NBPF12: variants seen among roughly 807,000 people sequenced by gnomAD.
NBPF12 encodes NBPF member 12.
Under a neutral mutation model 146.4 loss-of-function variants are expected in NBPF12, and 115 were observed. The ratio of observed to expected loss-of-function variants is 0.79; its 90% CI spans 0.68 to 0.92. NBPF12 has a LOEUF of 0.92. NBPF12 is among the 40% of genes least tolerant of loss of function. The probability of loss-of-function intolerance (pLI) is 0.00; values close to 1 mark genes in which losing one functional copy is unlikely to be tolerated. For missense variants in NBPF12, 1,205 were observed against 1,326.8 expected (o/e 0.91, Z 1.43); for synonymous variants, 385 against 508.9 (o/e 0.76, Z 3.28).
intron 5 of NBPF12, among the ~76,000 whole-genome samples, chr1:146,962,862 A>G (rs1233511194): frequency 2.0e-5 from 3 of 151,298 alleles, no homozygotes; most frequent in South Asian, 2.1e-4. Context: ...TTTACAGAAG[A>G]GAAAGATGAA....
At chr1:146,962,748 C>T (rs1365056841) in intron 5 of NBPF12, among the ~76,000 whole-genome samples, 30 of 147,982 alleles carry the variant, frequency 2.0e-4, no homozygotes, top group African/African-American at 7.3e-4. Flanking sequence ...ATCTAGTGGC[C>T]GCAAGATGCA....
exon 34 of NBPF12, chr1:146,994,801 C>T (rs1238826280): frequency 2.5e-5 from 20 of 807,056 alleles, no homozygotes; most frequent in African/African-American, 1.1e-4. Flanking sequence ...CAGCACATGC[C>T]GGGAGTGATC....
intron 19 of NBPF12, among the ~76,000 whole-genome samples, chr1:146,980,100 G>T (rs1219093470): frequency 6.6e-6 from 1 of 151,088 alleles, no homozygotes; most frequent in Non-Finnish European, 1.5e-5. Flanking sequence ...ATATTTGTTG[G>T]TTTAAAGTCT....
chr1:146,971,847 A>G (rs1553886511), intron 13 of NBPF12, among the ~76,000 whole-genome samples: 23,933 of 148,784 alleles, frequency 0.16, 2,405 homozygotes, highest in Admixed American at 0.27. Flanking sequence ...TGGGAGGCCG[A>G]GGCGGGTGGA....
chr1:146,992,607 T>G, intron 31 of NBPF12, 105 bp from the exon 35 acceptor site: 2 of 727,126 alleles, frequency 2.8e-6, no homozygotes, highest in East Asian at 5.3e-5. Flanking sequence ...GATCTATCCT[T>G]TTACTTTTTT....
chr1:146,980,110 T>TTGATATTTGTTG (rs1268903471), intron 19 of NBPF12, among the ~76,000 whole-genome samples: 1 of 151,728 alleles, frequency 6.6e-6, no homozygotes, highest in African/African-American at 2.4e-5. Context: ...GTTTAAAGTC[T>TTGATATTTGTTG]GTTTTATCAG....
At chr1:146,981,064 G>A (rs1439061109) in intron 19 of NBPF12, among the ~76,000 whole-genome samples, 2 of 138,222 alleles carry the variant, frequency 1.4e-5, no homozygotes, top group Non-Finnish European at 1.5e-5. Context: ...CTTACTCACA[G>A]GTGGGAATTG....
chr1:146,972,349 G>C lies in NBPF12; in HGVS notation c.1592-402G>C, dbSNP rs1553886637. 3.4e-4 allele frequency among the ~76,000 whole-genome samples: 51 copies of C among 151,278 alleles called. 2 individuals carry two copies. The highest frequency in any genetic ancestry group is 6.0e-4 in the Non-Finnish European group (41 of 68,012). ...GCAGAGGTGGCAGTGAGCTGAGATT[G>C]TGCCTCTGCACTGCAGCCTGCGTGA... On this transcript the variant is annotated intron_variant, in intron 13 of 33. Coordinates refer to ENST00000617844, the Ensembl canonical transcript of NBPF12.
rs1475801003 is a variant in NBPF12 at position 146,971,170 on chromosome 1, C to T, written c.1380-13C>T. 5 of 1,611,004 alleles carry T rather than the reference C, an allele frequency of 3.1e-6. No homozygotes were observed. Among genetic ancestry groups the T allele is most frequent in the African/African-American group, 1.4e-5 (1 of 73,972 alleles). On this transcript the variant is annotated splice_polypyrimidine_tract_variant and intron_variant, in intron 12 of 33. Coordinates refer to ENST00000617844, the Ensembl canonical transcript of NBPF12. ...TTAATCTTCTGTCATCTCTGTCCCA[C>T]CTGGCTCATCAGGGAGATGCAGAAG... is the stretch of plus-strand genomic sequence containing the variant.
At chr1:146,973,027 A>C in intron 14 of NBPF12, 67 bp downstream of exon 17, 5 of 795,508 alleles carry the variant, frequency 6.3e-6, no homozygotes, top group Middle Eastern at 7.0e-4. Context: ...TGAGAAACTA[A>C]GTGCTCTCTC....
At chr1:146,972,667 C>A (rs1442709599) in intron 13 of NBPF12, 84 bp from the exon 17 acceptor site, 1 of 1,118,492 alleles carries the variant, frequency 8.9e-7, no homozygotes, top group Non-Finnish European at 1.4e-6. Flanking sequence ...GACAAGGCTA[C>A]CAGTGACATC....
At position 146,965,566 on chromosome 1, in the gene NBPF12, A is replaced by T. The variant is rs1214781580; in HGVS notation, c.778+462A>T. Among the ~76,000 whole-genome samples, 19 of 146,194 alleles carry T rather than the reference A, an allele frequency of 1.3e-4. 1 individual carries two copies. The South Asian group carries it at 3.7e-3, about 29-fold the overall frequency. ...GGGAGGCCGAGGCGGGTGGATCACG[A>T]GGTCAGGAGATTGAGACCATCCTGG... On this transcript the variant is annotated intron_variant, in intron 8 of 33. Transcript: ENST00000617844.
chr1:146,994,518 T>C, exon 34 of NBPF12: 1 of 1,609,710 alleles, frequency 6.2e-7, no homozygotes, highest in Non-Finnish European at 8.5e-7. Context: ...GCTTTTTTAC[T>C]TTGACGGTGA....
At chr1:146,981,288 A>T (rs1486832126) in intron 19 of NBPF12, among the ~76,000 whole-genome samples, 4,457 of 106,558 alleles carry the variant, frequency 0.042, 136 homozygotes, top group Middle Eastern at 0.065. Flanking sequence ...AAAAAAAAAA[A>T]AAAAAAATAT....
chr1:146,960,285 G>T, exon 4 of NBPF12: 1 of 1,343,436 alleles, frequency 7.4e-7, no homozygotes, highest in Non-Finnish European at 1.0e-6. Context: ...AACTCAACTG[G>T]CCGGCTTCCT....
rs1655317743 is a variant in NBPF12 at position 146,951,361 on chromosome 1, G to A, written c.-312G>A. 48 of 631,518 alleles carry A rather than the reference G, an allele frequency of 7.6e-5. No homozygotes were observed. The South Asian group carries it at 8.9e-4, about 12-fold the overall frequency. The allele number at this position is 631,518 out of a possible 1,614,324, so 39.1% of individuals were successfully genotyped here. A position where few individuals can be genotyped will look rare whatever the true frequency, so the allele number is the denominator to read the frequency against. ...TCTTCTTGGTAGCCCTTGAAGATAA[G>A]GATGGTCAAACAAAATAATATCATA... On this transcript the variant is annotated 5_prime_UTR_variant, in exon 2 of 34. Coordinates refer to ENST00000617844, the Ensembl canonical transcript of NBPF12.
chr1:146,948,866 A>T (rs1160564429), upstream of NBPF12, among the ~76,000 whole-genome samples: 5 of 150,848 alleles, frequency 3.3e-5, no homozygotes, highest in Non-Finnish European at 7.4e-5. Flanking sequence ...TGTATATTCC[A>T]TCTACTGAGA....
intron 2 of NBPF12, among the ~76,000 whole-genome samples, chr1:146,952,315 C>G (rs1244615213): frequency 6.6e-6 from 1 of 152,066 alleles, no homozygotes; most frequent in African/African-American, 2.4e-5. Context: ...GACTCTAGGG[C>G]CGTGTGGTCT....
At chr1:146,994,491 C>A in exon 34 of NBPF12, 2 of 1,607,916 alleles carry the variant, frequency 1.2e-6, no homozygotes, top group East Asian at 4.5e-5. Context: ...TCACCTTTGC[C>A]CTTGACATGG....
Sources: gnomAD v4.1 joint callset for allele counts (sites outside exome capture counted in the v4.1 genomes callset) on GRCh38, gnomAD v4.1.1 for gene constraint, MANE v1.5 for transcripts, NCBI Gene and HGNC (gene_info 2026-07-23, HGNC 2026-07-21) for gene names.